Variants in BRD10 observed in about 807,000 individuals in gnomAD.
BRD10 encodes the protein uncharacterized bromodomain-containing protein 10.
At chr9:5,922,244 G>C in the BRD10 span, 3 of 1,613,982 alleles carry the variant, frequency 1.9e-6, no homozygotes, top group South Asian at 1.1e-5. Context: ...ACAGTTGAAG[G>C]AACTACCAGG....
chr9:5,949,650 T>A, the BRD10 span, among the ~76,000 whole-genome samples: 1 of 151,968 alleles, frequency 6.6e-6, no homozygotes. Flanking sequence ...CATGGAAGAT[T>A]TTTTTTTGGT....
the BRD10 span, among the ~76,000 whole-genome samples, chr9:5,980,217 T>C: frequency 1.3e-5 from 2 of 152,148 alleles, no homozygotes; most frequent in African/African-American, 4.8e-5. Context: ...CTCAATTTTC[T>C]CAGACTTTCA....
chr9:5,937,697 T>C, the BRD10 span, among the ~76,000 whole-genome samples: 1 of 152,178 alleles, frequency 6.6e-6, no homozygotes, highest in Admixed American at 6.5e-5. Context: ...CAATCTTTCT[T>C]TGGAAGAGAG....
At chr9:5,893,136 C>G in the BRD10 span, among the ~76,000 whole-genome samples, 1 of 152,176 alleles carries the variant, frequency 6.6e-6, no homozygotes. Context: ...TGGCGTGAGA[C>G]ACTGTTTTTA....
the BRD10 span, among the ~76,000 whole-genome samples, chr9:6,002,496 G>A: frequency 7.5e-4 from 114 of 152,064 alleles, 2 homozygotes; most frequent in Non-Finnish European, 3.4e-4. Flanking sequence ...ATTTACTGAG[G>A]AGAAATAAAC....
the BRD10 span, among the ~76,000 whole-genome samples, chr9:5,879,126 C>T: frequency 6.6e-6 from 1 of 152,140 alleles, no homozygotes; most frequent in South Asian, 2.1e-4. Flanking sequence ...AAAGACTTTG[C>T]TAAACATCAG....
the BRD10 span, chr9:5,909,764 G>C: frequency 6.6e-6 from 1 of 152,158 alleles, no homozygotes; most frequent in African/African-American, 2.4e-5. Context: ...GCTCTCTTGG[G>C]TTCCCAAATC....
chr9:5,954,773 A>C, the BRD10 span, among the ~76,000 whole-genome samples: 1 of 152,298 alleles, frequency 6.6e-6, no homozygotes, highest in Admixed American at 6.5e-5. Flanking sequence ...TTAACGTGAC[A>C]AAAAAATACA....
At chr9:5,989,772 G>A in the BRD10 span, among the ~76,000 whole-genome samples, 869 of 152,164 alleles carry the variant, frequency 5.7e-3, 10 homozygotes, top group African/African-American at 0.02. Flanking sequence ...CAAGCGATCA[G>A]CCCACCTTGG....
the BRD10 span, chr9:5,921,552 G>T: frequency 6.2e-7 from 1 of 1,613,854 alleles, no homozygotes; most frequent in Admixed American, 1.7e-5. Flanking sequence ...CCAGAAGAAA[G>T]AATAGATGGA....
chr9:5,894,093 T>G, the BRD10 span, among the ~76,000 whole-genome samples: 9 of 152,124 alleles, frequency 5.9e-5, no homozygotes, highest in Non-Finnish European at 8.8e-5. The surrounding 1 kb of genome is among the most constrained non-coding windows in gnomAD (Gnocchi z 4.0). Context: ...AGGCAAATAT[T>G]TGCACAATCC....
the BRD10 span, among the ~76,000 whole-genome samples, chr9:5,923,890 T>G: frequency 6.6e-6 from 1 of 152,306 alleles, no homozygotes; most frequent in Middle Eastern, 3.4e-3. Context: ...TTCTAACCAC[T>G]CTGTTGCCCA....
At chr9:5,921,881 G>T in the BRD10 span, 2 of 1,613,982 alleles carry the variant, frequency 1.2e-6, no homozygotes, top group Non-Finnish European at 8.5e-7. Flanking sequence ...GTGGCCTAAT[G>T]TAAGTTTGAG....
At chr9:5,885,855 G>GA in the BRD10 span, among the ~76,000 whole-genome samples, 2 of 152,198 alleles carry the variant, frequency 1.3e-5, no homozygotes, top group African/African-American at 4.8e-5. Context: ...TAGTGACTGG[G>GA]ATGTGGCCTT....
the BRD10 span, chr9:5,919,814 G>A: frequency 2.2e-5 from 36 of 1,613,720 alleles, no homozygotes; most frequent in Non-Finnish European, 2.9e-5. Context: ...CTTAGATGCT[G>A]GAGTATTTAT....
chr9:5,936,363 A>G, the BRD10 span, among the ~76,000 whole-genome samples: 1 of 152,238 alleles, frequency 6.6e-6, no homozygotes, highest in Non-Finnish European at 1.5e-5. Context: ...TCAAAAACAA[A>G]TAAATGAATA....
the BRD10 span, chr9:5,921,974 G>A: frequency 1.4e-5 from 22 of 1,613,868 alleles, no homozygotes; most frequent in South Asian, 2.4e-4. Flanking sequence ...ACTAGATGTA[G>A]TAGTTGTTCC....
the BRD10 span, chr9:5,897,738 T>A: frequency 3.4e-6 from 4 of 1,159,866 alleles, no homozygotes; most frequent in Admixed American, 3.4e-5. Context: ...GAGAGTCAGA[T>A]AATTGCCTCA....
chr9:5,904,198 T>C, the BRD10 span, among the ~76,000 whole-genome samples: 1 of 152,184 alleles, frequency 6.6e-6, no homozygotes, highest in African/African-American at 2.4e-5. Context: ...TGTGTCTTTA[T>C]ATTTAAAGAG....
Sources: gnomAD v4.1 joint callset for allele counts (sites outside exome capture counted in the v4.1 genomes callset) on GRCh38, gnomAD v4.1.1 for gene constraint, Gnocchi (gnomAD v3.1) non-coding constraint, MANE v1.5 for transcripts, NCBI Gene and HGNC (gene_info 2026-07-23, HGNC 2026-07-21) for gene names.